ZNF638: variants seen among roughly 807,000 people sequenced by gnomAD.
The protein encoded by ZNF638 is CTCL tumor antigen se33-1.
Under a neutral mutation model 195.6 loss-of-function variants are expected in ZNF638, and 46 were observed. That is an observed-to-expected ratio of 0.24 (90% CI 0.19 to 0.30). ZNF638 has a LOEUF of 0.30. ZNF638 is among the 10% of genes least tolerant of loss of function. The pLI, the probability that ZNF638 is intolerant of heterozygous loss-of-function variation, is 1.00. For synonymous variants in ZNF638, 845 were observed against 772.0 expected (o/e 1.09, Z -1.57); for missense variants, 2,440 against 2,325.3 (o/e 1.05, Z -1.01).
At chr2:71,380,770 CT>C (rs1429294291) in intron 10 of ZNF638, 5 of 412,450 alleles carry the variant, frequency 1.2e-5, no homozygotes, top group African/African-American at 4.1e-5. Context: ...TACAACAAAT[CT>C]GTGAGATAAT....
chr2:71,350,362 G>A (rs946085454), intron 2 of ZNF638, 91 bp downstream of exon 2: 34 of 1,297,118 alleles, frequency 2.6e-5, no homozygotes, highest in Admixed American at 1.1e-4. Context: ...TTAACTAGGC[G>A]TTAAGGAAAT....
rs201443272 is a variant in ZNF638 at position 71,365,739 on chromosome 2, T to G, written c.1995+33T>G. Reference sequence around the variant, plus strand: ...TTTAATTAATAATTATTTTTAGAGATAAGGTTTCACTCTGTCATCCTCGCT... The same window carrying G: ...TTTAATTAATAATTATTTTTAGAGAGAAGGTTTCACTCTGTCATCCTCGCT... On this transcript the variant is annotated intron_variant, in intron 6 of 27. Transcript: ENST00000264447. 2.5e-5 allele frequency: 38 copies of G among 1,541,338 alleles called. No individual in the cohort carries two copies. The East Asian group carries it at 5.6e-4, about 23-fold the overall frequency.
At chr2:71,426,246 T>G (rs36053807) in intron 23 of ZNF638, among the ~76,000 whole-genome samples, 27,687 of 152,158 alleles carry the variant, frequency 0.18, 3,013 homozygotes, top group African/African-American at 0.29. Flanking sequence ...AGGTTGATAC[T>G]GTTAGAATTT....
chr2:71,410,320 A>C (rs540324774), intron 20 of ZNF638, among the ~76,000 whole-genome samples: 1 of 152,202 alleles, frequency 6.6e-6, no homozygotes, highest in East Asian at 1.9e-4. Context: ...AGAGTAGACT[A>C]TAGGGGCATG....
chr2:71,361,848 G>A (rs2079115210), intron 3 of ZNF638, among the ~76,000 whole-genome samples: 1 of 152,138 alleles, frequency 6.6e-6, no homozygotes, highest in Admixed American at 6.5e-5. Flanking sequence ...AGGCAAACAA[G>A]GGAAAAGGGA....
intron 2 of ZNF638, among the ~76,000 whole-genome samples, chr2:71,354,417 A>G (rs1052362166): frequency 3.4e-5 from 5 of 148,720 alleles, no homozygotes; most frequent in Non-Finnish European, 7.4e-5. Context: ...GGACAGATTT[A>G]TTTGTAAATG....
At chr2:71,335,381 A>G (rs2104066147) in intron 1 of ZNF638, among the ~76,000 whole-genome samples, 1 of 152,212 alleles carries the variant, frequency 6.6e-6, no homozygotes, top group Non-Finnish European at 1.5e-5. Context: ...TATATTTTGG[A>G]TTATTTTTTA....
chr2:71,384,046 A>G (rs1334154848), intron 10 of ZNF638, among the ~76,000 whole-genome samples: 1 of 151,862 alleles, frequency 6.6e-6, no homozygotes, highest in Non-Finnish European at 1.5e-5. Flanking sequence ...GTAGTTCTTA[A>G]CCCTGTCTTC....
rs374518031 is a variant in ZNF638, at chr2:71,425,261, A to G, written c.4590+546A>G. The stretch of plus-strand genomic sequence containing the variant: ...TTACTTTTCTTACCTGGTAGGGGAT[A>G]GATTTGGGCCTATGTTGTTGGGGCA... On this transcript the variant is annotated intron_variant, in intron 23 of 27. Transcript: ENST00000264447. 3.9e-5 allele frequency among the ~76,000 whole-genome samples: 6 copies of G among 152,078 alleles called. No individual in the cohort carries two copies. The South Asian group carries it at 8.3e-4, about 21-fold the overall frequency.
At chr2:71,363,795 T>A (rs1317682795) in intron 4 of ZNF638, among the ~76,000 whole-genome samples, 159 bp from the exon 5 acceptor site, 1 of 152,246 alleles carries the variant, frequency 6.6e-6, no homozygotes, top group East Asian at 1.9e-4. Context: ...TAAGGCTGAA[T>A]TACATCATAA....
chr2:71,419,319 C>A (rs1007803271), intron 21 of ZNF638, among the ~76,000 whole-genome samples: 3 of 152,100 alleles, frequency 2.0e-5, no homozygotes, highest in African/African-American at 7.2e-5. Flanking sequence ...TAGAATATTT[C>A]TTTTTCCTCC....
chr2:71,433,403 C>T (rs2080706280), intron 27 of ZNF638, 120 bp downstream of exon 27: 3 of 698,096 alleles, frequency 4.3e-6, no homozygotes, highest in Admixed American at 5.3e-5. Context: ...CAGTTTATTC[C>T]TCTTAAGTCC....
In ZNF638 at chr2:71,331,829, CTG is replaced by C. The variant is rs1382509504; in HGVS notation, c.-244_-243del. ...TCGAGACTGGAGGCTGAGTGCTAAA[CTG>C]TGTGGGGCGCGGATGGGATCCAGCT... On this transcript the variant is annotated 5_prime_UTR_variant, in exon 1 of 28. Transcript: ENST00000264447. 12 of 986,280 alleles carry C rather than the reference CTG, an allele frequency of 1.2e-5. No homozygotes were observed. In the East Asian group the frequency reaches 5.7e-4, roughly 47 times the overall value. The allele number at this position is 986,280 out of a possible 1,614,324, so 61.1% of individuals were successfully genotyped here.
At position 71,428,484 on chromosome 2, in the gene ZNF638, GTTTAA is replaced by G. The variant is rs930134888; in HGVS notation, c.5546-57_5546-53del. ...AATGTTGATTCAGACAGTATAATAT[GTTTAA>G]TTTAAAGCAATTTAAATACTGTTAC... is the stretch of plus-strand genomic sequence containing the variant. On this transcript the variant is annotated intron_variant, in intron 24 of 27. Transcript: ENST00000264447. The G allele has an allele frequency of 6.8e-5, 99 of 1,453,158 alleles. No individual in the cohort carries two copies. The African/African-American group carries it at 8.8e-4, about 13-fold the overall frequency. The allele number at this position is 1,453,158 out of a possible 1,614,324, so 90.0% of individuals were successfully genotyped here. A position where few individuals can be genotyped will look rare whatever the true frequency, so the allele number is the denominator to read the frequency against.
At position 71,381,916 on chromosome 2, in the gene ZNF638, T is replaced by C. The variant is rs377635975; in HGVS notation, c.2377+1351T>C. On this transcript the variant is annotated intron_variant, in intron 10 of 27. Transcript: ENST00000264447. ...ACTCACTAATTGTTTAGGATTCTTA[T>C]ATAGATTGGATAAATTGGAGAGATG... is the stretch of plus-strand genomic sequence containing the variant. Among the ~76,000 whole-genome samples the C allele has an allele frequency of 3.0e-4, 45 of 152,186 alleles. No individual in the cohort carries two copies. The East Asian group carries it at 6.5e-3, about 22-fold the overall frequency.
chr2:71,423,422 A>G lies in ZNF638; in HGVS notation c.3908A>G (p.Lys1303Arg), dbSNP rs1451238835. Residue 1303 changes from lysine (K) to arginine (R), a missense_variant, in exon 22 of 28, where the codon AAA becomes AGA. Physicochemically the swap from Lys to Arg is conservative, Grantham distance 26 (BLOSUM62 2). Transcript: ENST00000264447. Reference sequence around the variant, plus strand: ...GTGGACAAAAAGAATATTTCTGAAAAAAAAGGTAACATGGATGAAAAGGAG... The same window carrying G: ...GTGGACAAAAAGAATATTTCTGAAAGAAAAGGTAACATGGATGAAAAGGAG... ...KTVDKKNISE[K>R]KGNMDEKEEK... 2.5e-6 allele frequency: 4 copies of G among 1,613,714 alleles called. No homozygotes were observed. The African/African-American group carries it at 5.3e-5, about 22-fold the overall frequency.
At chr2:71,368,633 TTCTTTG>T (rs1272208603) in intron 7 of ZNF638, 105 bp downstream of exon 7, 2 of 1,207,886 alleles carry the variant, frequency 1.7e-6, no homozygotes, top group Admixed American at 2.4e-5. Context: ...TATATAATTG[TTCTTTG>T]AGAGTTATAT....
intron 20 of ZNF638, among the ~76,000 whole-genome samples, chr2:71,410,990 C>CT (rs1207162070): frequency 2.7e-5 from 2 of 74,436 alleles, no homozygotes; most frequent in Admixed American, 1.6e-4. Flanking sequence ...ACCTCCCCCC[C>CT]CCTTTTTTTT....
chr2:71,409,610 C>T (rs1294732921), intron 20 of ZNF638, among the ~76,000 whole-genome samples: 1 of 152,102 alleles, frequency 6.6e-6, no homozygotes, highest in East Asian at 1.9e-4. Context: ...GCCACATTTT[C>T]ATTTTCATAA....
Sources: gnomAD v4.1 joint callset for allele counts (sites outside exome capture counted in the v4.1 genomes callset) on GRCh38, gnomAD v4.1.1 for gene constraint, MANE v1.5 for transcripts, NCBI Gene and HGNC (gene_info 2026-07-23, HGNC 2026-07-21) for gene names.